Variants in MBNL2 observed in about 807,000 individuals in gnomAD.
The protein encoded by MBNL2 is muscleblind-like protein 2.
In MBNL2, 17 loss-of-function variants were observed where a neutral mutation model predicts 41.9. The ratio of observed to expected loss-of-function variants is 0.41; its 90% CI spans 0.28 to 0.61. The LOEUF (loss-of-function observed/expected upper bound fraction) is 0.61. Ranked by LOEUF, MBNL2 falls within the 20% of genes least tolerant of loss-of-function variation. MBNL2 has a pLI of 0.35. For synonymous variants in MBNL2, 195 were observed against 182.9 expected, an observed-to-expected ratio of 1.07 and a Z score of -0.53; for missense variants, 336 against 505.6, an observed-to-expected ratio of 0.66 and a Z score of 3.22.
At chr13:97,185,072 T>C in the MBNL2 span, among the ~76,000 whole-genome samples, 1 of 152,224 alleles carries the variant, frequency 6.6e-6, no homozygotes, top group East Asian at 1.9e-4. Flanking sequence ...TTTCTGCATG[T>C]TTTCATGCTT....
At chr13:97,163,379 G>A in the MBNL2 span, among the ~76,000 whole-genome samples, 3 of 152,136 alleles carry the variant, frequency 2.0e-5, no homozygotes, top group African/African-American at 4.8e-5. Context: ...TGAGAGGGAG[G>A]TAGCCCTCAC....
At chr13:97,330,035 G>C (rs1277581504) in intron 2 of MBNL2, among the ~76,000 whole-genome samples, 1 of 152,146 alleles carries the variant, frequency 6.6e-6, no homozygotes, top group Non-Finnish European at 1.5e-5. Context: ...GTTAACATCT[G>C]TCTTCCCCAC....
At chr13:97,270,213 T>A (rs1373863313) in intron 1 of MBNL2, among the ~76,000 whole-genome samples, 1 of 152,226 alleles carries the variant, frequency 6.6e-6, no homozygotes, top group Non-Finnish European at 1.5e-5. Context: ...CAATAGAATG[T>A]GAGCTACTTA....
intron 2 of MBNL2, among the ~76,000 whole-genome samples, chr13:97,321,919 T>C (rs1210640973): frequency 6.6e-6 from 1 of 152,206 alleles, no homozygotes; most frequent in Non-Finnish European, 1.5e-5. Flanking sequence ...AAAATGGGAT[T>C]ATTAACATTA....
upstream of MBNL2, among the ~76,000 whole-genome samples, chr13:97,221,083 T>C (rs958769178): frequency 6.6e-6 from 1 of 152,164 alleles, no homozygotes; most frequent in African/African-American, 2.4e-5. Flanking sequence ...ATATGAAATA[T>C]TATGTTTTTA....
chr13:97,196,379 C>T, the MBNL2 span, among the ~76,000 whole-genome samples: 7,683 of 152,256 alleles, frequency 0.05, 259 homozygotes, highest in South Asian at 0.14. Flanking sequence ...TTATTTAGCA[C>T]TCCTTTGTCA....
At chr13:97,266,280 CA>C (rs2049781805) in intron 1 of MBNL2, among the ~76,000 whole-genome samples, 1 of 152,110 alleles carries the variant, frequency 6.6e-6, no homozygotes, top group Non-Finnish European at 1.5e-5. Context: ...TTAATTAAAA[CA>C]AAACCAATTT....
At chr13:97,298,256 CAAAAT>C (rs1475348398) in intron 2 of MBNL2, among the ~76,000 whole-genome samples, 3 of 151,894 alleles carry the variant, frequency 2.0e-5, no homozygotes, top group African/African-American at 4.8e-5. Flanking sequence ...TTGTTAAAAA[CAAAAT>C]AAAACTTCTG....
the MBNL2 span, among the ~76,000 whole-genome samples, chr13:97,186,905 C>A: frequency 6.6e-6 from 1 of 152,140 alleles, no homozygotes. Context: ...AAGAGTATCA[C>A]CAGGTTGAGA....
chr13:97,217,197 A>AT (rs1021821580), upstream of MBNL2, among the ~76,000 whole-genome samples: 5 of 151,324 alleles, frequency 3.3e-5, no homozygotes, highest in African/African-American at 1.2e-4. Flanking sequence ...TTCTCTACCA[A>AT]TTTTTTTACT....
intron 1 of MBNL2, among the ~76,000 whole-genome samples, chr13:97,228,972 C>T (rs2042031887): frequency 6.6e-6 from 1 of 151,694 alleles, no homozygotes; most frequent in Admixed American, 6.6e-5. Flanking sequence ...TGGGAATCCA[C>T]ACGTGATATT....
upstream of MBNL2, among the ~76,000 whole-genome samples, chr13:97,218,819 C>T (rs116788535): frequency 1.7e-3 from 253 of 151,852 alleles, no homozygotes; most frequent in African/African-American, 5.4e-3. Context: ...ATCTGTAGGA[C>T]ATTGTACCCA....
intron 1 of MBNL2, among the ~76,000 whole-genome samples, chr13:97,246,807 A>G (rs1374295959): frequency 6.6e-6 from 1 of 152,208 alleles, no homozygotes; most frequent in Non-Finnish European, 1.5e-5. Context: ...GCTGAAGGAC[A>G]TGGATATCGG....
intron 2 of MBNL2, among the ~76,000 whole-genome samples, chr13:97,310,541 T>C (rs1215582382): frequency 1.3e-5 from 2 of 151,998 alleles, no homozygotes. Context: ...GCCATTCTCC[T>C]GCCTCAGCCT....
chr13:97,155,757 T>G, the MBNL2 span, among the ~76,000 whole-genome samples: 1 of 152,288 alleles, frequency 6.6e-6, no homozygotes, highest in East Asian at 1.9e-4. Flanking sequence ...TAGTATTCCA[T>G]GGTGTACATG....
intron 1 of MBNL2, among the ~76,000 whole-genome samples, chr13:97,244,832 T>C (rs1394094830): frequency 6.6e-6 from 1 of 152,180 alleles, no homozygotes; most frequent in Non-Finnish European, 1.5e-5. Context: ...TCCACTACTA[T>C]AGAAAATGAA....
chr13:97,340,465 A>C (rs1432419661), intron 3 of MBNL2, among the ~76,000 whole-genome samples: 2 of 152,206 alleles, frequency 1.3e-5, no homozygotes, highest in African/African-American at 2.4e-5. Context: ...GAACTGTTAG[A>C]TAATTTGAGG....
intron 2 of MBNL2, among the ~76,000 whole-genome samples, chr13:97,323,714 A>AC (rs1041954927): frequency 1.3e-5 from 2 of 151,838 alleles, no homozygotes; most frequent in African/African-American, 4.8e-5. Flanking sequence ...CAGGAAGTAA[A>AC]CCCCCATAGA....
At chr13:97,152,051 A>G in the MBNL2 span, among the ~76,000 whole-genome samples, 1 of 152,196 alleles carries the variant, frequency 6.6e-6, no homozygotes, top group Non-Finnish European at 1.5e-5. Flanking sequence ...AAATAAAGAG[A>G]TAAAGAAATT....
Sources: allele counts gnomAD v4.1 joint callset (sites outside exome capture counted in the v4.1 genomes callset), GRCh38; gene constraint gnomAD v4.1.1; transcripts MANE v1.5; gene names NCBI Gene and HGNC (gene_info 2026-07-23, HGNC 2026-07-21).